Variants in ROBO1 observed in about 807,000 individuals in gnomAD.
The protein encoded by ROBO1 is roundabout guidance receptor 1, also known as roundabout homolog 1.
Under a neutral mutation model 195.9 loss-of-function variants are expected in ROBO1, and 149 were observed. The ratio of observed to expected loss-of-function variants is 0.76; its 90% CI spans 0.67 to 0.87. ROBO1 has a LOEUF of 0.87. Among genes scored for constraint, ROBO1 ranks in the 40% least tolerant of loss-of-function variants. The pLI is 0.00. For missense variants in ROBO1, 1,933 were observed against 2,068.3 expected, an observed-to-expected ratio of 0.93 and a Z score of 1.27; for synonymous variants, 816 against 733.2, an observed-to-expected ratio of 1.11 and a Z score of -1.82.
intron 2 of ROBO1, among the ~76,000 whole-genome samples, chr3:79,248,374 C>CAAAAAAAAAAAAAAAAAAGAAAAAAAAAA (rs2082662547): frequency 2.8e-5 from 1 of 36,208 alleles, no homozygotes; most frequent in Admixed American, 3.2e-4. Flanking sequence ...GAAGACAGAC[C>CAAAAAAAAAAAAAAAAAAGAAAAAAAAAA]AAAAAAAAAA....
chr3:79,552,197 C>A (rs1942548345), intron 2 of ROBO1, among the ~76,000 whole-genome samples: 1 of 151,906 alleles, frequency 6.6e-6, no homozygotes, highest in Admixed American at 6.6e-5. Flanking sequence ...CACAGGCGAC[C>A]TCTGCTGTCA....
At chr3:79,067,799 G>T (rs1004517259) in intron 3 of ROBO1, among the ~76,000 whole-genome samples, 5 of 151,930 alleles carry the variant, frequency 3.3e-5, no homozygotes, top group Non-Finnish European at 7.4e-5. Flanking sequence ...GAACCTGAAA[G>T]TGGTTTAGTT....
intron 5 of ROBO1, among the ~76,000 whole-genome samples, chr3:78,719,561 T>C (rs2081992214): frequency 6.6e-6 from 1 of 152,128 alleles, no homozygotes; most frequent in Non-Finnish European, 1.5e-5. Flanking sequence ...TACACATAAT[T>C]TTTCTAAAGT....
At chr3:79,451,581 C>T (rs1164739837) in intron 2 of ROBO1, among the ~76,000 whole-genome samples, 1 of 152,088 alleles carries the variant, frequency 6.6e-6, no homozygotes, top group Admixed American at 6.6e-5. Flanking sequence ...ACTCTTACAT[C>T]CATTTGTGAA....
chr3:78,636,173 T>C, intron 22 of ROBO1, 65 bp from the exon 23 acceptor site: 3 of 1,196,216 alleles, frequency 2.5e-6, no homozygotes, highest in Non-Finnish European at 1.2e-6. Flanking sequence ...AAATTTCTTT[T>C]TACGTAGCTT....
chr3:79,097,802 T>C (rs1393236717), intron 3 of ROBO1, among the ~76,000 whole-genome samples: 1 of 151,664 alleles, frequency 6.6e-6, no homozygotes, highest in Non-Finnish European at 1.5e-5. Flanking sequence ...TATTCTATTA[T>C]ATATGTTATT....
chr3:79,656,105 G>A (rs748925823), intron 1 of ROBO1, among the ~76,000 whole-genome samples: 5 of 152,028 alleles, frequency 3.3e-5, no homozygotes, highest in Non-Finnish European at 7.4e-5. Flanking sequence ...CACCTTCTAC[G>A]ATGGTTTTAA....
chr3:79,434,052 T>C (rs2038789242), intron 2 of ROBO1, among the ~76,000 whole-genome samples: 1 of 152,178 alleles, frequency 6.6e-6, no homozygotes, highest in Non-Finnish European at 1.5e-5. Flanking sequence ...TTACACCTTA[T>C]ACAAAAATTA....
chr3:79,760,423 G>A (rs1339021273), intron 1 of ROBO1, among the ~76,000 whole-genome samples: 1 of 133,262 alleles, frequency 7.5e-6, no homozygotes, highest in African/African-American at 2.8e-5. Context: ...TTGAAAAAAC[G>A]ATACAAAATT....
At chr3:79,636,444 G>A (rs9884080) in intron 1 of ROBO1, among the ~76,000 whole-genome samples, 88,065 of 151,876 alleles carry the variant, frequency 0.58, 25,858 homozygotes, top group South Asian at 0.67. Flanking sequence ...TCTAGAATCC[G>A]TTGACTTGCT....
intron 3 of ROBO1, among the ~76,000 whole-genome samples, chr3:78,973,207 C>G (rs1421659784): frequency 6.6e-6 from 1 of 151,814 alleles, no homozygotes; most frequent in African/African-American, 2.4e-5. Context: ...AGCTTTTCCT[C>G]CCTTGGACTG....
At chr3:79,260,188 C>G (rs2082914274) in intron 2 of ROBO1, among the ~76,000 whole-genome samples, 1 of 151,312 alleles carries the variant, frequency 6.6e-6, no homozygotes, top group African/African-American at 2.4e-5. Flanking sequence ...TAAAACTGTC[C>G]TAATTATACA....
chr3:78,752,007 A>G (rs1204960391), intron 4 of ROBO1, among the ~76,000 whole-genome samples: 1 of 152,194 alleles, frequency 6.6e-6, no homozygotes, highest in East Asian at 1.9e-4. Flanking sequence ...ACCTCTTGTC[A>G]ACTAGGAAAA....
intron 26 of ROBO1, among the ~76,000 whole-genome samples, chr3:78,618,693 C>T (rs1704272297): frequency 6.6e-6 from 1 of 152,094 alleles, no homozygotes; most frequent in Non-Finnish European, 1.5e-5. Context: ...CTATTTTTAA[C>T]ACTATTGCAT....
intron 2 of ROBO1, among the ~76,000 whole-genome samples, chr3:79,556,562 A>G (rs925472973): frequency 6.6e-6 from 1 of 152,094 alleles, no homozygotes; most frequent in Non-Finnish European, 1.5e-5. Context: ...ACTCACTCCA[A>G]TAAGTTGAGC....
chr3:78,657,122 T>A lies in ROBO1; in HGVS notation c.2590A>T (p.Ser864Cys). Residue 864 changes from serine to cysteine, a missense_variant, in exon 18 of 31, where the codon AGT (serine) becomes TGT (cysteine). Ser to Cys is a moderately radical substitution (Grantham distance 112). Transcript: ENST00000464233. ...ASTGAGSGVK[S>C]EPQFIQLDAH... is the part of the protein sequence containing the mutation. Reference sequence around the variant, plus strand: ...CCCAGCTGGATGAACTGAGGCTCACTCTTTACCCCAGACCCAGCCCCAGTG... The same window carrying A: ...CCCAGCTGGATGAACTGAGGCTCACACTTTACCCCAGACCCAGCCCCAGTG... The A allele has an allele frequency of 6.2e-7, 1 of 1,610,756 alleles. No homozygotes were observed. Among genetic ancestry groups the A allele is most frequent in the Non-Finnish European group, 8.5e-7 (1 of 1,178,540 alleles).
At chr3:78,680,881 C>T (rs2080885419) in intron 10 of ROBO1, among the ~76,000 whole-genome samples, 1 of 149,004 alleles carries the variant, frequency 6.7e-6, no homozygotes, top group African/African-American at 2.5e-5. Context: ...GACACATGCA[C>T]ACGTGTGTTT....
rs530340289 is a variant in ROBO1, at chr3:79,357,957, A to G, written c.88+231867T>C. Among the ~76,000 whole-genome samples, 581 of 152,260 alleles carry G rather than the reference A, an allele frequency of 3.8e-3. 2 individuals are homozygous for G. The highest frequency in any genetic ancestry group is 0.013 in the African/African-American group (554 of 41,572). On this transcript the variant is annotated intron_variant, in intron 2 of 30. Transcript: ENST00000464233. ...TGGGGGGATAGCATTTTACATACCA[A>G]CTTTTTAGTCTCTTTCTATTCCCAG...
At chr3:79,247,129 G>GTTTTTTTTTTTTTTT (rs575917340) in intron 2 of ROBO1, among the ~76,000 whole-genome samples, 7 of 134,800 alleles carry the variant, frequency 5.2e-5, no homozygotes, top group African/African-American at 1.4e-4. Context: ...CCTGTTTACT[G>GTTTTTTTTTTTTTTT]TTTTTTTTTT....
Sources: gnomAD v4.1 joint callset for allele counts (sites outside exome capture counted in the v4.1 genomes callset) on GRCh38, gnomAD v4.1.1 for gene constraint, MANE v1.5 for transcripts, NCBI Gene and HGNC (gene_info 2026-07-23, HGNC 2026-07-21) for gene names.